SFI1: variants seen among roughly 807,000 people sequenced by gnomAD.
The protein encoded by SFI1 is SFI1 centrin binding protein, also known as protein SFI1 homolog.
SFI1 carries 195 observed loss-of-function variants against 207.5 expected under a neutral mutation model. The ratio of observed to expected loss-of-function variants is 0.94; its 90% confidence interval spans 0.84 to 1.06. SFI1 has a LOEUF of 1.06. SFI1 is among the 50% of genes least tolerant of loss of function. The probability of loss-of-function intolerance (pLI) is 0.00; values close to 1 mark genes in which losing one functional copy is unlikely to be tolerated. For missense variants in SFI1, 1,634 were observed against 1,588.0 expected (o/e 1.03, Z -0.49); for synonymous variants, 630 against 598.9 (o/e 1.05, Z -0.76).
At chr22:31,586,362 C>G (rs562397563) in intron 14 of SFI1, among the ~76,000 whole-genome samples, 1 of 152,312 alleles carries the variant, frequency 6.6e-6, no homozygotes, top group African/African-American at 2.4e-5. Flanking sequence ...TACAGCCTGT[C>G]CCTTTTGCCT....
Position 31,618,107 on chromosome 22 carries a change from C to A in SFI1, c.3513-8C>A. 2 of 1,562,612 alleles carry A rather than the reference C, an allele frequency of 1.3e-6. No individual in the cohort carries two copies. The highest frequency in any genetic ancestry group is 1.7e-6 in the Non-Finnish European group (2 of 1,154,348). ...GCCTGGCAGGCAGTGGGTATCTCCA[C>A]CCCTCAGGTCCTGTCGGCGGCAAGC... On this transcript the variant is annotated splice_region_variant and splice_polypyrimidine_tract_variant and intron_variant, in intron 31 of 32. Coordinates refer to ENST00000400288, the MANE Select transcript of SFI1 (RefSeq NM_001007467.3).
chr22:31,556,639 T>C (rs570812513), intron 6 of SFI1, among the ~76,000 whole-genome samples: 1 of 152,244 alleles, frequency 6.6e-6, no homozygotes, highest in African/African-American at 2.4e-5. Flanking sequence ...TTTATTCATA[T>C]CATTTCGTCT....
intron 15 of SFI1, among the ~76,000 whole-genome samples, chr22:31,595,260 T>A (rs866662933): frequency 6.6e-6 from 1 of 152,008 alleles, no homozygotes; most frequent in African/African-American, 2.4e-5. Flanking sequence ...CCTCCCAAAG[T>A]GCTGGGATTA....
At chr22:31,604,563 G>C in intron 19 of SFI1, 159 bp downstream of exon 19, 1 of 655,082 alleles carries the variant, frequency 1.5e-6, no homozygotes. Context: ...TTAGGCCATA[G>C]GGTTCTTTGA....
intron 7 of SFI1, among the ~76,000 whole-genome samples, chr22:31,558,670 G>A (rs1172712857): frequency 6.6e-6 from 1 of 151,894 alleles, no homozygotes; most frequent in African/African-American, 2.4e-5. Context: ...CTAGAGGCAG[G>A]GTTTCACCAT....
At chr22:31,613,292 C>T in intron 25 of SFI1, 62 bp from the exon 26 acceptor site, 1 of 1,606,520 alleles carries the variant, frequency 6.2e-7, no homozygotes. Flanking sequence ...AGGGAGGGCA[C>T]CTGGTCTGTG....
In SFI1 at chr22:31,618,329, C is replaced by T. The variant is rs2072195284; in HGVS notation, c.3640C>T (p.Gln1214Ter). 6.2e-7 allele frequency: 1 copy of T among 1,609,994 alleles called. No homozygotes were observed. The highest frequency in any genetic ancestry group is 8.5e-7 in the Non-Finnish European group (1 of 1,177,434). Residue 1214 changes from glutamine (Q) to a stop codon, truncating the protein, a stop_gained, in exon 33 of 33, where the codon CAG becomes TAG. Transcript: ENST00000400288. LOFTEE classifies it high-confidence loss of function. ...KELEQVEMQIQLLAEELQAQR... is the reference protein window; with the variant it reads ...KELEQVEMQI ...ATGGCCCCAGGTGGAAATGCAGATC[C>T]AGCTGCTGGCAGAGGAGCTCCAGGC...
intron 12 of SFI1, among the ~76,000 whole-genome samples, chr22:31,582,236 ATTT>A (rs1161846940): frequency 3.0e-4 from 3 of 10,136 alleles, no homozygotes; most frequent in African/African-American, 3.5e-4. Flanking sequence ...ATATATATAT[ATTT>A]TTTTTTTTTT....
At position 31,602,228 on chromosome 22, in the gene SFI1, C is replaced by G. The variant is rs1229788202; in HGVS notation, c.1561C>G (p.Gln521Glu). The change falls in exon 16 of 33, where the codon CAA (glutamine) becomes GAA (glutamate). Residue 521 changes from glutamine to glutamate, a missense_variant. Physicochemically the swap from Gln to Glu is conservative, Grantham distance 29. Coordinates refer to ENST00000400288, the MANE Select transcript of SFI1 (RefSeq NM_001007467.3). Reference protein sequence around the residue: ...TRFHRETLEKQVFSLWRQKMF... With the variant: ...TRFHRETLEKEVFSLWRQKMF... ...GTTTTTTAGGGAGACATTAGAGAAG[C>G]AAGTATTTTCTCTCTGGAGGCAGAA... 1.2e-6 allele frequency: 2 copies of G among 1,613,868 alleles called. No homozygotes were observed. The highest frequency in any genetic ancestry group is 1.7e-6 in the Non-Finnish European group (2 of 1,179,750).
intron 2 of SFI1, among the ~76,000 whole-genome samples, chr22:31,514,732 C>T (rs1413790211): frequency 6.6e-6 from 1 of 151,538 alleles, no homozygotes. Flanking sequence ...ATAATGTTCT[C>T]CATTTCCGAA....
chr22:31,544,265 C>T (rs1231574063), intron 4 of SFI1, among the ~76,000 whole-genome samples: 1 of 152,122 alleles, frequency 6.6e-6, no homozygotes, highest in Admixed American at 6.6e-5. Flanking sequence ...ACTAATTTCT[C>T]TTACTCATCT....
chr22:31,611,698 T>G, intron 23 of SFI1, 68 bp from the exon 24 acceptor site: 1 of 1,508,200 alleles, frequency 6.6e-7, no homozygotes, highest in Middle Eastern at 2.0e-4. Context: ...CTGGGTTAGA[T>G]CAGGACCCAC....
chr22:31,555,768 C>T (rs771274723), intron 6 of SFI1, among the ~76,000 whole-genome samples: 10 of 152,104 alleles, frequency 6.6e-5, no homozygotes, highest in African/African-American at 9.7e-5. Flanking sequence ...AACTCTAAAC[C>T]ACAGCACTAT....
chr22:31,531,219 T>G, intron 4 of SFI1, 90 bp downstream of exon 4: 1 of 1,067,252 alleles, frequency 9.4e-7, no homozygotes, highest in Non-Finnish European at 1.4e-6. Context: ...CATTATGGCT[T>G]GTGCTGTTAC....
intron 15 of SFI1, among the ~76,000 whole-genome samples, chr22:31,599,038 C>T (rs55684328): frequency 0.045 from 6,838 of 151,074 alleles, 139 homozygotes; most frequent in African/African-American, 0.053. Flanking sequence ...GTGATCCGCC[C>T]GCCTCGGCCT....
rs776809520 is a variant in SFI1, at chr22:31,602,214, A to G, written c.1547A>G (p.Glu516Gly). Residue 516 changes from glutamate (E) to glycine (G), a missense_variant and splice_region_variant, in exon 16 of 33, where the codon GAG (glutamate) becomes GGG (glycine). Coordinates refer to ENST00000400288, the MANE Select transcript of SFI1 (RefSeq NM_001007467.3). ...LSARATRFHRETLEKQVFSLW... is the reference protein window; with the variant it reads ...LSARATRFHRGTLEKQVFSLW... ...TTACATTCTTCCTTGTTTTTTAGGG[A>G]GACATTAGAGAAGCAAGTATTTTCT... 6.2e-7 allele frequency: 1 copy of G among 1,613,322 alleles called. No individual in the cohort carries two copies. The highest frequency in any genetic ancestry group is 8.5e-7 in the Non-Finnish European group (1 of 1,179,314).
intron 1 of SFI1, among the ~76,000 whole-genome samples, chr22:31,507,273 T>C (rs955909229): frequency 6.6e-6 from 1 of 152,148 alleles, no homozygotes; most frequent in Non-Finnish European, 1.5e-5. Flanking sequence ...CCCTATTTAA[T>C]AACAGGTGCT....
chr22:31,600,079 G>C (rs962595895), intron 15 of SFI1, among the ~76,000 whole-genome samples: 2 of 151,920 alleles, frequency 1.3e-5, no homozygotes, highest in Admixed American at 1.3e-4. Context: ...GTAGAGACGA[G>C]GTCTCACTAT....
upstream of SFI1, chr22:31,496,156 G>A (rs1246260430): frequency 6.6e-6 from 1 of 152,274 alleles, no homozygotes; most frequent in African/African-American, 2.4e-5. Flanking sequence ...AGGGAGGGAG[G>A]ACTTTCGTAC....
Sources: allele counts gnomAD v4.1 joint callset (sites outside exome capture counted in the v4.1 genomes callset), GRCh38; gene constraint gnomAD v4.1.1; transcripts MANE v1.5; gene names NCBI Gene and HGNC (gene_info 2026-07-23, HGNC 2026-07-21).